The following RPS6KC1 variants were observed in gnomAD, a reference collection of about 807,000 sequenced individuals.
RPS6KC1 encodes the protein inactive ribosomal protein S6 kinase delta-1.
RPS6KC1 carries 54 observed loss-of-function variants against 103.8 expected under a neutral mutation model. That is an observed-to-expected ratio of 0.52 (90% CI 0.42 to 0.65). RPS6KC1 has a LOEUF of 0.65. Ranked by LOEUF, RPS6KC1 falls within the 30% of genes least tolerant of loss-of-function variation. The probability of loss-of-function intolerance (pLI) is 0.00; values close to 1 mark genes in which losing one functional copy is unlikely to be tolerated. For missense variants in RPS6KC1, 1,151 were observed against 1,253.8 expected (o/e 0.92, Z 1.24); for synonymous variants, 439 against 438.7 (o/e 1.00, Z -0.01).
the RPS6KC1 span, among the ~76,000 whole-genome samples, chr1:213,732,692 T>C: frequency 1.4e-4 from 22 of 152,202 alleles, no homozygotes. Context: ...GTGATATAAA[T>C]GAGTCAGATT....
At chr1:213,275,116 A>G (rs924381363), downstream of RPS6KC1, among the ~76,000 whole-genome samples, 5 of 152,236 alleles carry the variant, frequency 3.3e-5, no homozygotes, top group Admixed American at 2.0e-4. Context: ...AGGTTCGTCC[A>G]TGCTGTAGCA....
the RPS6KC1 span, among the ~76,000 whole-genome samples, chr1:213,725,399 C>T: frequency 1.3e-5 from 2 of 152,226 alleles, no homozygotes; most frequent in Non-Finnish European, 2.9e-5. Flanking sequence ...ACATCCTCCC[C>T]GTGCTCTCAG....
the RPS6KC1 span, among the ~76,000 whole-genome samples, chr1:213,637,656 A>G: frequency 1.3e-5 from 2 of 152,206 alleles, no homozygotes; most frequent in African/African-American, 4.8e-5. Flanking sequence ...CCGTGAAACT[A>G]TTTTCCAGAG....
intron 8 of RPS6KC1, among the ~76,000 whole-genome samples, chr1:213,223,677 G>A (rs1251156445): frequency 6.6e-6 from 1 of 152,158 alleles, no homozygotes; most frequent in Non-Finnish European, 1.5e-5. Context: ...ACATGTATAT[G>A]CATGTGTCTT....
At chr1:213,850,400 ATGTTTTTAACT>A in the RPS6KC1 span, among the ~76,000 whole-genome samples, 1 of 152,168 alleles carries the variant, frequency 6.6e-6, no homozygotes, top group Non-Finnish European at 1.5e-5. Context: ...TTTCAATCCA[ATGTTTTTAACT>A]GGACACTGGC....
rs1216957498 is a variant in RPS6KC1 at position 213,110,813 on chromosome 1, CTG to C, written c.378+6248_378+6249del. Among the ~76,000 whole-genome samples, 4 of 152,132 alleles carry C rather than the reference CTG, an allele frequency of 2.6e-5. No homozygotes were observed. The East Asian group carries it at 5.8e-4, about 22-fold the overall frequency. On this transcript the variant is annotated intron_variant, in intron 4 of 14. Transcript: ENST00000366960. The stretch of plus-strand genomic sequence containing the variant: ...TGAGCTTTATGAAGACCCCCTGTGG[CTG>C]TGTTATTTTCTGGATCTCCCTGCTG...
the RPS6KC1 span, among the ~76,000 whole-genome samples, chr1:213,860,556 G>C: frequency 6.6e-6 from 1 of 152,112 alleles, no homozygotes; most frequent in Non-Finnish European, 1.5e-5. Flanking sequence ...ACAGAGAAGG[G>C]GTGGCATTTG....
chr1:213,714,420 T>A, the RPS6KC1 span, among the ~76,000 whole-genome samples: 1 of 152,260 alleles, frequency 6.6e-6, no homozygotes, highest in Non-Finnish European at 1.5e-5. Context: ...TTATGCTGCT[T>A]ATTTTTCTCA....
the RPS6KC1 span, among the ~76,000 whole-genome samples, chr1:213,745,951 CT>C: frequency 6.6e-6 from 1 of 152,168 alleles, no homozygotes; most frequent in Non-Finnish European, 1.5e-5. Context: ...CGAGGACCCA[CT>C]CTGGACCTCA....
chr1:213,508,817 G>A, the RPS6KC1 span, among the ~76,000 whole-genome samples: 2 of 152,196 alleles, frequency 1.3e-5, no homozygotes, highest in Non-Finnish European at 2.9e-5. Flanking sequence ...GGTCTCAGTT[G>A]CTAATCTGCA....
intron 8 of RPS6KC1, among the ~76,000 whole-genome samples, chr1:213,208,192 G>C (rs779979551): frequency 7.2e-5 from 11 of 152,140 alleles, no homozygotes; most frequent in Non-Finnish European, 1.0e-4. Context: ...TAATCCATCA[G>C]ATATGTGGTT....
At chr1:213,078,029 A>C (rs529310619) in intron 3 of RPS6KC1, among the ~76,000 whole-genome samples, 2 of 152,270 alleles carry the variant, frequency 1.3e-5, no homozygotes, top group South Asian at 4.1e-4. Context: ...AAACAAAACA[A>C]CTTCAGTTCC....
chr1:213,426,121 G>A, the RPS6KC1 span, among the ~76,000 whole-genome samples: 2 of 152,140 alleles, frequency 1.3e-5, no homozygotes, highest in African/African-American at 4.8e-5. Flanking sequence ...ACCTGAGGAC[G>A]AGGACATCAG....
chr1:213,403,622 C>T, the RPS6KC1 span, among the ~76,000 whole-genome samples: 1 of 152,166 alleles, frequency 6.6e-6, no homozygotes, highest in Non-Finnish European at 1.5e-5. Flanking sequence ...AGCATGAACA[C>T]TCATTGAGGG....
At chr1:213,329,448 C>T in the RPS6KC1 span, among the ~76,000 whole-genome samples, 8 of 152,098 alleles carry the variant, frequency 5.3e-5, no homozygotes, top group East Asian at 1.9e-4. Flanking sequence ...GCCAAGAACT[C>T]GACTTTTGGA....
the RPS6KC1 span, among the ~76,000 whole-genome samples, chr1:213,516,214 C>A: frequency 7.8e-4 from 118 of 152,022 alleles, no homozygotes; most frequent in African/African-American, 2.8e-3. Flanking sequence ...AATTGAATAC[C>A]CTTTATTTCC....
At chr1:213,315,447 A>C in the RPS6KC1 span, among the ~76,000 whole-genome samples, 1 of 152,258 alleles carries the variant, frequency 6.6e-6, no homozygotes, top group Admixed American at 6.5e-5. Flanking sequence ...GATGTTTCCT[A>C]GTTTAACATA....
At chr1:213,582,085 G>A in the RPS6KC1 span, among the ~76,000 whole-genome samples, 222 of 144,972 alleles carry the variant, frequency 1.5e-3, 1 homozygote, top group African/African-American at 5.2e-3. Flanking sequence ...AGAGATCAGG[G>A]ACCTTTTTTT....
chr1:213,177,097 C>T (rs74139152), intron 8 of RPS6KC1, among the ~76,000 whole-genome samples: 2,206 of 152,276 alleles, frequency 0.014, 47 homozygotes, highest in African/African-American at 0.05. Context: ...CCTCACTTCA[C>T]ACCCACATGC....
Sources: allele counts gnomAD v4.1 joint callset (sites outside exome capture counted in the v4.1 genomes callset), GRCh38; gene constraint gnomAD v4.1.1; transcripts MANE v1.5; gene names NCBI Gene and HGNC (gene_info 2026-07-23, HGNC 2026-07-21).